The following RARB variants were observed in gnomAD, a reference collection of about 807,000 sequenced individuals.
The protein encoded by RARB is HBV-activated protein.
A neutral mutation model predicts 51.9 loss-of-function variants in RARB; 17 were observed. That is an observed-to-expected ratio of 0.33 (90% CI 0.22 to 0.49). The LOEUF is 0.49. Among genes scored for constraint, RARB ranks in the 20% least tolerant of loss-of-function variants. The pLI, the probability that RARB is intolerant of heterozygous loss-of-function variation, is 0.99. For synonymous variants in RARB, 215 were observed against 195.4 expected, an observed-to-expected ratio of 1.10 and a Z score of -0.84; for missense variants, 369 against 550.8, an observed-to-expected ratio of 0.67 and a Z score of 3.30.
At chr3:24,851,124 G>A (rs1228718531) in intron 1 of RARB, among the ~76,000 whole-genome samples, 1 of 152,056 alleles carries the variant, frequency 6.6e-6, no homozygotes, top group African/African-American at 2.4e-5. Context: ...GACAGGAGAG[G>A]GCATGGGTAG....
intron 2 of RARB, among the ~76,000 whole-genome samples, chr3:24,986,115 T>G (rs1696789449): frequency 6.6e-6 from 1 of 152,316 alleles, no homozygotes; most frequent in South Asian, 2.1e-4. Context: ...AACTATAAAT[T>G]GTTTGATTCT....
intron 5 of RARB, among the ~76,000 whole-genome samples, chr3:25,288,857 C>A (rs1171089609): frequency 6.6e-6 from 1 of 151,864 alleles, no homozygotes. Flanking sequence ...TCCACTTGTT[C>A]TCTTCTTCTT....
At chr3:25,184,078 A>T (rs1700921026) in intron 5 of RARB, among the ~76,000 whole-genome samples, 7 of 151,978 alleles carry the variant, frequency 4.6e-5, no homozygotes, top group Admixed American at 3.9e-4. Flanking sequence ...TTGTCTTTTT[A>T]TGTTAATCAG....
At chr3:25,183,768 C>T (rs922113919) in intron 5 of RARB, among the ~76,000 whole-genome samples, 6 of 152,128 alleles carry the variant, frequency 3.9e-5, no homozygotes, top group Non-Finnish European at 5.9e-5. Flanking sequence ...GACAGTCTTT[C>T]AACAGTCAAA....
chr3:25,228,217 G>GTTTTT lies in RARB; in HGVS notation c.178+53658_178+53662dup, dbSNP rs55796125. ...GTTTTCATCTATGGTGACTTTGAGG[G>GTTTTT]TTTTTTTTTTTTTTTTTTTTGGTTG... On this transcript the variant is annotated intron_variant, in intron 5 of 11. Coordinates refer to the RARB transcript ENST00000383772. Among the ~76,000 whole-genome samples the GTTTTT allele has an allele frequency of 6.8e-4, 72 of 105,586 alleles. 1 individual carries two copies. Among genetic ancestry groups the GTTTTT allele is most frequent in the East Asian group, 2.9e-3 (10 of 3,480 alleles). The allele number at this position is 105,586 out of a possible 152,430, so 69.3% of individuals were successfully genotyped here. A position where few individuals can be genotyped will look rare whatever the true frequency, so the allele number is the denominator to read the frequency against.
intron 5 of RARB, among the ~76,000 whole-genome samples, chr3:25,199,011 A>C (rs1418734910): frequency 6.6e-6 from 1 of 152,182 alleles, no homozygotes; most frequent in Non-Finnish European, 1.5e-5. Context: ...TTGTAGCACT[A>C]TTCACAATGG....
intron 3 of RARB, among the ~76,000 whole-genome samples, chr3:25,119,433 G>A (rs1361206466): frequency 6.6e-6 from 1 of 152,160 alleles, no homozygotes; most frequent in Non-Finnish European, 1.5e-5. Flanking sequence ...CTCCATGGGT[G>A]TATTGTGAGG....
chr3:25,003,194 C>CAAAAAAAA (rs565249387), intron 2 of RARB, among the ~76,000 whole-genome samples: 1,289 of 89,228 alleles, frequency 0.014, 17 homozygotes, highest in East Asian at 0.12. Context: ...GATCATAATG[C>CAAAAAAAA]AAAAAAAAAA....
chr3:25,526,130 G>A lies in RARB; in HGVS notation c.448+24807G>A, dbSNP rs957084828. On this transcript the variant is annotated intron_variant, in intron 3 of 7. Transcript: ENST00000330688. ...GCCTCATGGAGGAGGTGTGAAGCCTGAGCACAAGTATGGAGAGAAGAGGGC... is the reference window on the plus strand; with the variant it reads ...GCCTCATGGAGGAGGTGTGAAGCCTAAGCACAAGTATGGAGAGAAGAGGGC... Among the ~76,000 whole-genome samples, 11 of 152,316 alleles carry A rather than the reference G, an allele frequency of 7.2e-5. 1 individual carries two copies. The South Asian group carries it at 1.9e-3, about 26-fold the overall frequency.
intron 2 of RARB, among the ~76,000 whole-genome samples, chr3:24,992,256 G>A (rs768470173): frequency 4.6e-5 from 7 of 152,084 alleles, no homozygotes; most frequent in Non-Finnish European, 1.0e-4. Context: ...AATATTTAGG[G>A]TATTTTCTTC....
intron 5 of RARB, among the ~76,000 whole-genome samples, chr3:25,382,952 C>G (rs748076546): frequency 2.0e-5 from 3 of 152,120 alleles, no homozygotes; most frequent in South Asian, 2.1e-4. Flanking sequence ...TCATAACTTT[C>G]CCTCATAGGC....
At chr3:25,085,658 T>C (rs967950591) in intron 3 of RARB, among the ~76,000 whole-genome samples, 33 of 152,336 alleles carry the variant, frequency 2.2e-4, no homozygotes, top group African/African-American at 7.2e-4. Flanking sequence ...TCAGATTTTT[T>C]AGTCTTGTTC....
At chr3:25,252,650 T>G (rs1197047820) in intron 5 of RARB, among the ~76,000 whole-genome samples, 1 of 152,248 alleles carries the variant, frequency 6.6e-6, no homozygotes, top group Non-Finnish European at 1.5e-5. Context: ...TTCAGATATT[T>G]CTTTGCCAGT....
At chr3:24,864,783 T>C (rs1057270173) in intron 2 of RARB, among the ~76,000 whole-genome samples, 1 of 152,204 alleles carries the variant, frequency 6.6e-6, no homozygotes, top group African/African-American at 2.4e-5. Flanking sequence ...TTACTATCAA[T>C]CTTTTACAAA....
At chr3:25,285,230 T>C (rs1703620432) in intron 5 of RARB, among the ~76,000 whole-genome samples, 1 of 152,182 alleles carries the variant, frequency 6.6e-6, no homozygotes, top group Non-Finnish European at 1.5e-5. Context: ...GAGGTAGAGT[T>C]AGACAAAGCT....
At chr3:25,493,338 A>G (rs976698933) in intron 2 of RARB, among the ~76,000 whole-genome samples, 2 of 152,092 alleles carry the variant, frequency 1.3e-5, no homozygotes, top group African/African-American at 2.4e-5. Context: ...CTCTCTCCAG[A>G]GGGTGTTTTT....
At chr3:24,987,786 C>G (rs1043297088) in intron 2 of RARB, among the ~76,000 whole-genome samples, 1 of 152,174 alleles carries the variant, frequency 6.6e-6, no homozygotes, top group African/African-American at 2.4e-5. Context: ...CTTTCAGCCC[C>G]CTATTTGAAT....
intron 5 of RARB, among the ~76,000 whole-genome samples, chr3:25,210,477 G>T (rs1701664796): frequency 6.8e-6 from 1 of 147,524 alleles, no homozygotes; most frequent in Non-Finnish European, 1.5e-5. Flanking sequence ...CACAGGGTCA[G>T]AGTTGCAGAG....
chr3:25,569,950 A>T (rs764677514), intron 4 of RARB, 32 bp downstream of exon 4: 27 of 1,597,062 alleles, frequency 1.7e-5, no homozygotes, highest in Non-Finnish European at 2.2e-5. Flanking sequence ...GGCTGCTGGG[A>T]GTGTGGAAAC....
Sources: allele counts gnomAD v4.1 joint callset (sites outside exome capture counted in the v4.1 genomes callset), GRCh38; gene constraint gnomAD v4.1.1; transcripts MANE v1.5; gene names NCBI Gene and HGNC (gene_info 2026-07-23, HGNC 2026-07-21).